The following SLC22A25 variants were observed in gnomAD, a reference collection of about 807,000 sequenced individuals.
SLC22A25 encodes MGI:2442751, MGI:2385316, MGI:3042283, MGI:3645714, MGI:3605624, MGI:2442750.
SLC22A25 carries 44 observed loss-of-function variants against 45.9 expected under a neutral mutation model. That is an observed-to-expected ratio of 0.96 (90% CI 0.75 to 1.23). The LOEUF is 1.23. Among genes scored for constraint, SLC22A25 ranks in the 50% most tolerant of loss-of-function variants. The pLI is 0.00. For synonymous variants in SLC22A25, 283 were observed against 238.6 expected (o/e 1.19, Z -1.72); for missense variants, 800 against 666.4 (o/e 1.20, Z -2.21).
chr11:63,217,622 C>T lies in SLC22A25; in HGVS notation c.620G>A (p.Gly207Glu). ...LVYCSLRFLA[G>E]AATFSIIVNT... ...TACAATGATGCTAAATGTAGCAGCC[C>T]CAGCCAAGAAGCGCAGGGAGCAGTA... Residue 207 changes from glycine (G) to glutamate (E), a missense_variant, in exon 6 of 12, where the codon GGG (glycine) becomes GAG (glutamate). By Grantham distance (98) the Gly-to-Glu change is moderately conservative. Transcript: ENST00000306494. The T allele has an allele frequency of 6.2e-7, 1 of 1,613,750 alleles. No individual in the cohort carries two copies. Among genetic ancestry groups the T allele is most frequent in the Non-Finnish European group, 8.5e-7 (1 of 1,179,952 alleles).
At chr11:63,168,247 C>T (rs921464764) in intron 9 of SLC22A25, among the ~76,000 whole-genome samples, 6 of 152,024 alleles carry the variant, frequency 3.9e-5, no homozygotes, top group East Asian at 1.9e-4. Flanking sequence ...TCCAAAAAAC[C>T]GAATGCGTCT....
At chr11:63,180,109 A>G (rs1006208949) in intron 9 of SLC22A25, among the ~76,000 whole-genome samples, 1 of 152,154 alleles carries the variant, frequency 6.6e-6, no homozygotes, top group African/African-American at 2.4e-5. Flanking sequence ...CATCTGGGGC[A>G]TTACAATGTC....
chr11:63,162,012 T>G lies in SLC22A25; in HGVS notation c.*1812A>C, dbSNP rs983617571. Among the ~76,000 whole-genome samples the G allele has an allele frequency of 6.6e-6, 1 of 152,240 alleles. No homozygotes were observed. Among genetic ancestry groups the G allele is most frequent in the Non-Finnish European group, 1.5e-5 (1 of 68,030 alleles). ...ATTGTAGTTTTGATTTGCATTTCTCTGAGGATCAATGATGTTCAGCACTTT... is the reference window on the plus strand; with the variant it reads ...ATTGTAGTTTTGATTTGCATTTCTCGGAGGATCAATGATGTTCAGCACTTT... On this transcript the variant is annotated 3_prime_UTR_variant, in exon 12 of 12. Coordinates refer to ENST00000306494, the MANE Select transcript of SLC22A25 (RefSeq NM_199352.6).
intron 7 of SLC22A25, among the ~76,000 whole-genome samples, chr11:63,211,204 C>T (rs1477624670): frequency 6.6e-6 from 1 of 152,118 alleles, no homozygotes; most frequent in Non-Finnish European, 1.5e-5. Flanking sequence ...TCCGTCAATA[C>T]CCACTACCTA....
intron 7 of SLC22A25, among the ~76,000 whole-genome samples, chr11:63,206,252 T>G (rs931231951): frequency 6.6e-6 from 1 of 152,170 alleles, no homozygotes; most frequent in African/African-American, 2.4e-5. Flanking sequence ...CTCTCACTAC[T>G]CCTATTCAAC....
At chr11:63,167,954 G>C (rs1043152640) in intron 9 of SLC22A25, 1 of 399,348 alleles carries the variant, frequency 2.5e-6, no homozygotes, top group Admixed American at 2.7e-5. Context: ...CTAAAATGAA[G>C]CTTCCAGAGG....
chr11:63,196,755 G>C (rs2089049340), intron 7 of SLC22A25, among the ~76,000 whole-genome samples: 1 of 152,170 alleles, frequency 6.6e-6, no homozygotes, highest in African/African-American at 2.4e-5. Context: ...GTTCTGGCCA[G>C]GGCAATCAGG....
intron 7 of SLC22A25, among the ~76,000 whole-genome samples, chr11:63,206,127 A>G (rs1444026001): frequency 1.3e-5 from 2 of 152,218 alleles, no homozygotes; most frequent in Non-Finnish European, 2.9e-5. Flanking sequence ...TTATTGATGG[A>G]ACGTATCTCA....
Position 63,237,940 on chromosome 11 carries a change from C to G in SLC22A25, c.-504G>C, listed in dbSNP as rs1476198568. On this transcript the variant is annotated 5_prime_UTR_variant, in exon 3 of 12. Coordinates refer to ENST00000306494, the MANE Select transcript of SLC22A25 (RefSeq NM_199352.6). ...GTCTGATAAATGGCCATATTGGATGCCTTTCACCACCACTCCATGAATAAG... is the reference window on the plus strand; with the variant it reads ...GTCTGATAAATGGCCATATTGGATGGCTTTCACCACCACTCCATGAATAAG... The G allele has an allele frequency of 1.3e-5, 2 of 152,176 alleles. No individual in the cohort carries two copies. The highest frequency in any genetic ancestry group is 6.5e-5 in the Admixed American group (1 of 15,280). The allele number at this position is 152,176 out of a possible 1,614,324, so 9.4% of individuals were successfully genotyped here. A position where few individuals can be genotyped will look rare whatever the true frequency, so the allele number is the denominator to read the frequency against.
intron 9 of SLC22A25, 42 bp from the exon 10 acceptor site, chr11:63,166,300 A>T: frequency 6.2e-7 from 1 of 1,603,906 alleles, no homozygotes; most frequent in East Asian, 2.2e-5. Flanking sequence ...TAATCTGTGG[A>T]ACCTAAATCC....
intron 5 of SLC22A25, chr11:63,218,347 A>G (rs1389094554): frequency 4.2e-6 from 1 of 238,142 alleles, no homozygotes; most frequent in Non-Finnish European, 8.3e-6. Context: ...GGGGACTACA[A>G]GAGTTGGCAG....
intron 8 of SLC22A25, 76 bp downstream of exon 8, chr11:63,183,618 C>A: frequency 4.4e-6 from 7 of 1,590,202 alleles, no homozygotes; most frequent in Non-Finnish European, 6.0e-6. Context: ...CCTTTATTCA[C>A]CTTATGAACA....
rs138247523 is a variant in SLC22A25 at position 63,234,736 on chromosome 11, T to A, written c.-445+3145A>T. ...TGATGCAGTTTGTTCCTAGCCTTGA[T>A]GGTCTTTACAATTTGGCATGTTGTT... On this transcript the variant is annotated intron_variant, in intron 3 of 11. Coordinates refer to ENST00000306494, the MANE Select transcript of SLC22A25 (RefSeq NM_199352.6). Among the ~76,000 whole-genome samples the A allele has an allele frequency of 2.6e-3, 400 of 152,334 alleles. 3 individuals carry two copies. The highest frequency in any genetic ancestry group is 8.9e-3 in the African/African-American group (369 of 41,582).
At chr11:63,185,584 G>A (rs2088502627) in intron 7 of SLC22A25, among the ~76,000 whole-genome samples, 1 of 147,906 alleles carries the variant, frequency 6.8e-6, no homozygotes, top group Admixed American at 6.8e-5. Context: ...GGGTACATGT[G>A]CACATTGTGC....
At chr11:63,164,097 G>T in intron 11 of SLC22A25, 24 bp from the exon 12 acceptor site, 1 of 1,542,766 alleles carries the variant, frequency 6.5e-7, no homozygotes, top group Non-Finnish European at 8.7e-7. Context: ...CAGCAACAGA[G>T]GAAAAGTTGT....
intron 9 of SLC22A25, chr11:63,166,933 G>T: frequency 1.2e-6 from 1 of 861,310 alleles, no homozygotes; most frequent in Non-Finnish European, 1.4e-6. Context: ...CCCAGCGAGA[G>T]CAATGCGGAA....
chr11:63,167,945 T>C (rs1565060997), intron 9 of SLC22A25: 2 of 403,386 alleles, frequency 5.0e-6, no homozygotes, highest in Non-Finnish European at 9.9e-6. Context: ...GGTGCTCCTC[T>C]AAAATGAAGC....
At chr11:63,178,514 G>T (rs1590799601) in intron 9 of SLC22A25, among the ~76,000 whole-genome samples, 2 of 151,648 alleles carry the variant, frequency 1.3e-5, no homozygotes, top group Non-Finnish European at 2.9e-5. Flanking sequence ...TTTAACTGGG[G>T]TGAAATAATA....
rs1245661090 is a variant in SLC22A25 at position 63,164,043 on chromosome 11, A to T, written c.1425T>A (p.Phe475Leu). 1 of 1,609,030 alleles carries T rather than the reference A, an allele frequency of 6.2e-7. No homozygotes were observed. Among genetic ancestry groups the T allele is most frequent in the African/African-American group, 1.3e-5 (1 of 74,726 alleles). Residue 475 changes from phenylalanine (F) to leucine (L), a missense_variant, in exon 12 of 12, where the codon TTT (phenylalanine) becomes TTA (leucine). Physicochemically the swap from Phe to Leu is conservative, Grantham distance 22. Transcript: ENST00000306494. ...AAGCCAGGGCTCCCCCAATATTAGCAAAGTTTCCAGTGATTCCAGTAGCTC... is the reference window on the plus strand; with the variant it reads ...AAGCCAGGGCTCCCCCAATATTAGCTAAGTTTCCAGTGATTCCAGTAGCTC... Reference protein sequence around the residue: ...RGRATGITGNFANIGGALASL... With the variant: ...RGRATGITGNLANIGGALASL...
Sources: allele counts gnomAD v4.1 joint callset (sites outside exome capture counted in the v4.1 genomes callset), GRCh38; gene constraint gnomAD v4.1.1; transcripts MANE v1.5; gene names NCBI Gene and HGNC (gene_info 2026-07-23, HGNC 2026-07-21).